TOM1: variants seen among roughly 807,000 people sequenced by gnomAD.
The protein encoded by TOM1 is target of myb1 membrane trafficking protein.
A neutral mutation model predicts 61.3 loss-of-function variants in TOM1; 38 were observed. The ratio of observed to expected loss-of-function variants is 0.62; its 90% confidence interval spans 0.48 to 0.81. The LOEUF (loss-of-function observed/expected upper bound fraction) is 0.81. Among genes scored for constraint, TOM1 ranks in the 40% least tolerant of loss-of-function variants. The pLI is 0.00. For missense variants in TOM1, 591 were observed against 659.6 expected (o/e 0.90, Z 1.14); for synonymous variants, 270 against 268.8 (o/e 1.00, Z -0.04).
At chr22:35,328,271 G>C (rs2267332) in intron 7 of TOM1, among the ~76,000 whole-genome samples, 10,250 of 152,254 alleles carry the variant, frequency 0.067, 461 homozygotes, top group East Asian at 0.12. Context: ...AAAGAGAGAA[G>C]ACTGCGCAGG....
intron 1 of TOM1, among the ~76,000 whole-genome samples, chr22:35,304,192 C>T (rs911378956): frequency 2.6e-5 from 4 of 152,208 alleles, no homozygotes; most frequent in African/African-American, 7.2e-5. Context: ...ACCCTCACCA[C>T]ACTGCCTCGA....
intron 1 of TOM1, among the ~76,000 whole-genome samples, chr22:35,314,518 C>T (rs1054139548): frequency 6.6e-6 from 1 of 152,084 alleles, no homozygotes; most frequent in African/African-American, 2.4e-5. Context: ...TATCAATGTC[C>T]CCGCTTCCCT....
intron 12 of TOM1, chr22:35,344,860 C>T (rs993498976): frequency 1.3e-5 from 2 of 152,458 alleles, no homozygotes; most frequent in East Asian, 3.9e-4. Flanking sequence ...TTCATCCTCA[C>T]AGCCACCTGG....
At chr22:35,340,155 T>C (rs1929755269) in intron 12 of TOM1, among the ~76,000 whole-genome samples, 1 of 152,072 alleles carries the variant, frequency 6.6e-6, no homozygotes, top group Admixed American at 6.5e-5. Context: ...ACAGAGCAGG[T>C]CCCATGGGAG....
At chr22:35,299,713 C>CCCG (rs1925532417), upstream of TOM1, 6 of 589,864 alleles carry the variant, frequency 1.0e-5, no homozygotes, top group Admixed American at 6.1e-5. Context: ...GTGTGTGACG[C>CCCG]CCGCCGCCGC....
chr22:35,314,490 T>C (rs1167256744), intron 1 of TOM1, among the ~76,000 whole-genome samples: 1 of 151,702 alleles, frequency 6.6e-6, no homozygotes, highest in Non-Finnish European at 1.5e-5. Flanking sequence ...GATTGCCGGG[T>C]ATGGGATTTC....
chr22:35,323,631 G>T lies in TOM1; in HGVS notation c.501+1G>T. ...GTCACCCATCCACACACCCCAGAGG[G>T]TGAGAGAACTGCCGTACCGGGAACC... On this transcript the variant is annotated splice_donor_variant, in intron 5 of 14. Coordinates refer to ENST00000449058, the MANE Select transcript of TOM1 (RefSeq NM_005488.3). LOFTEE classifies it high-confidence loss of function. The surrounding 1 kb of genome is among the most constrained non-coding windows in gnomAD (Gnocchi z 4.2). The T allele has an allele frequency of 1.2e-6, 2 of 1,614,140 alleles. No homozygotes were observed. The highest frequency in any genetic ancestry group is 1.7e-6 in the Non-Finnish European group (2 of 1,180,024).
chr22:35,323,423 C>T lies in TOM1; in HGVS notation c.367-73C>T. 1 of 1,536,264 alleles carries T rather than the reference C, an allele frequency of 6.5e-7. No individual in the cohort carries two copies. The highest frequency in any genetic ancestry group is 8.8e-7 in the Non-Finnish European group (1 of 1,131,108). On this transcript the variant is annotated intron_variant, in intron 4 of 14. Transcript: ENST00000449058. The surrounding 1 kb of genome is among the most constrained non-coding windows in gnomAD (Gnocchi z 4.2). ...AAAGCAGGGAAAGAATGTCTGTTCT[C>T]TGTCTGAGTGCCAGGTGGGCAGGCT...
In TOM1 at chr22:35,330,362, T is replaced by A; in HGVS notation, c.781T>A (p.Cys261Ser). The A allele has an allele frequency of 6.2e-7, 1 of 1,612,606 alleles. No individual in the cohort carries two copies. The highest frequency in any genetic ancestry group is 2.2e-5 in the East Asian group (1 of 44,776). The change falls in exon 8 of 15, where the codon TGC becomes AGC. Residue 261 changes from cysteine (C) to serine (S), a missense_variant. By Grantham distance (112) the Cys-to-Ser change is moderately radical (BLOSUM62 -1). Coordinates refer to ENST00000449058, the MANE Select transcript of TOM1 (RefSeq NM_005488.3). ...TTCCTGGCAGGAGCTCAACCGCACG[T>A]GCCGAGCCATGCAGCAGCGGGTCCT... is the stretch of plus-strand genomic sequence containing the variant. ...LELLQELNRT[C>S]RAMQQRVLEL...
intron 8 of TOM1, 46 bp from the exon 9 acceptor site, chr22:35,332,934 GC>G: frequency 6.2e-7 from 1 of 1,603,604 alleles, no homozygotes; most frequent in Non-Finnish European, 8.5e-7. Flanking sequence ...GTGTGTGGGG[GC>G]CTGTCTCAGT....
chr22:35,339,627 A>T (rs1057105132), intron 12 of TOM1, among the ~76,000 whole-genome samples: 2 of 151,066 alleles, frequency 1.3e-5, no homozygotes, highest in Non-Finnish European at 3.0e-5. Flanking sequence ...GACCCTGGCC[A>T]GGCGCAGTGG....
chr22:35,328,412 C>A (rs1928526495), intron 7 of TOM1, among the ~76,000 whole-genome samples: 1 of 152,198 alleles, frequency 6.6e-6, no homozygotes, highest in Non-Finnish European at 1.5e-5. Context: ...TATGTGGACA[C>A]TTGGTTCACA....
At chr22:35,334,251 T>C (rs1929088415) in intron 10 of TOM1, 77 bp from the exon 11 acceptor site, 1 of 1,543,786 alleles carries the variant, frequency 6.5e-7, no homozygotes, top group Non-Finnish European at 8.7e-7. Context: ...GCCCTGGGTC[T>C]GGCAGCAGGT....
At chr22:35,338,513 C>T (rs938825027) in intron 11 of TOM1, among the ~76,000 whole-genome samples, 200 bp from the exon 12 acceptor site, 1 of 152,144 alleles carries the variant, frequency 6.6e-6, no homozygotes, top group African/African-American at 2.4e-5. Flanking sequence ...CCTCCCTAAC[C>T]TCTCCAGCCT....
intron 1 of TOM1, among the ~76,000 whole-genome samples, chr22:35,316,278 C>A (rs1382229401): frequency 6.6e-6 from 1 of 152,258 alleles, no homozygotes; most frequent in Non-Finnish European, 1.5e-5. Context: ...CACAGTCCTC[C>A]ATGTAGTCAC....
At chr22:35,319,710 C>G (rs1209619046) in intron 2 of TOM1, among the ~76,000 whole-genome samples, 2 of 152,208 alleles carry the variant, frequency 1.3e-5, no homozygotes, top group Non-Finnish European at 2.9e-5. Flanking sequence ...CACTATAAAG[C>G]GCTGAAGTAG....
chr22:35,300,373 CA>C (rs1925640498), intron 1 of TOM1, among the ~76,000 whole-genome samples: 2 of 152,146 alleles, frequency 1.3e-5, no homozygotes, highest in South Asian at 4.1e-4. Context: ...CTTCCTGGCT[CA>C]CCGGGCCCTC....
intron 13 of TOM1, 130 bp from the exon 14 acceptor site, chr22:35,346,800 G>A: frequency 1.2e-6 from 1 of 828,354 alleles, no homozygotes; most frequent in East Asian, 2.5e-5. Flanking sequence ...CTGGGTGGTG[G>A]GGGCGTGCAG....
Position 35,327,285 on chromosome 22 carries a change from C to G in TOM1, c.663C>G (p.Arg221=). 1 of 1,614,012 alleles carries G rather than the reference C, an allele frequency of 6.2e-7. No homozygotes were observed. Among genetic ancestry groups the G allele is most frequent in the African/African-American group, 1.3e-5 (1 of 75,024 alleles). The change falls in exon 7 of 15, where the codon CGC becomes CGG. Residue 221 remains arginine, a synonymous_variant. Coordinates refer to ENST00000449058, the MANE Select transcript of TOM1 (RefSeq NM_005488.3). ...APTPEQIGKL[R]SELEMVSGNV... The stretch of plus-strand genomic sequence containing the variant: ...GTGTGTTTCAGATTGGGAAGCTGCG[C>G]AGTGAGCTGGAGATGGTGAGTGGGA...
Sources: gnomAD v4.1 joint callset for allele counts (sites outside exome capture counted in the v4.1 genomes callset) on GRCh38, gnomAD v4.1.1 for gene constraint, Gnocchi (gnomAD v3.1) non-coding constraint, MANE v1.5 for transcripts, NCBI Gene and HGNC (gene_info 2026-07-23, HGNC 2026-07-21) for gene names.